The following ARFGEF3 variants were observed in gnomAD, a reference collection of about 807,000 sequenced individuals.
ARFGEF3 encodes brefeldin A-inhibited guanine nucleotide-exchange protein 3.
In ARFGEF3, 96 loss-of-function variants were observed where a neutral mutation model predicts 221.7. The observed-to-expected ratio is 0.43, with a 90% confidence interval of 0.37 to 0.51. The LOEUF (loss-of-function observed/expected upper bound fraction) is 0.51, where lower values mean the gene tolerates loss of function less well. Ranked by LOEUF, ARFGEF3 falls within the 20% of genes least tolerant of loss-of-function variation. The pLI, the probability that ARFGEF3 is intolerant of heterozygous loss-of-function variation, is 0.00. For synonymous variants in ARFGEF3, 1,145 were observed against 1,126.8 expected, an observed-to-expected ratio of 1.02 and a Z score of -0.32; for missense variants, 2,410 against 2,789.9, an observed-to-expected ratio of 0.86 and a Z score of 3.07.
At chr6:138,285,850 G>A (rs2114627336) in intron 14 of ARFGEF3, 96 bp from the exon 15 acceptor site, 2 of 713,608 alleles carry the variant, frequency 2.8e-6, no homozygotes, top group East Asian at 2.6e-5. Flanking sequence ...AAAGATACAA[G>A]GGATATTTGT....
At chr6:138,215,877 T>C (rs1777836080) in intron 4 of ARFGEF3, 1 of 116,868 alleles carries the variant, frequency 8.6e-6, no homozygotes, top group African/African-American at 3.4e-5. Flanking sequence ...TGTGTGTGTG[T>C]GTGTGTGTGT....
At position 138,209,997 on chromosome 6, in the gene ARFGEF3, G is replaced by A; in HGVS notation, c.307G>A (p.Val103Met). 1.9e-6 allele frequency: 3 copies of A among 1,613,918 alleles called. No individual in the cohort carries two copies. Among genetic ancestry groups the A allele is most frequent in the Non-Finnish European group, 2.5e-6 (3 of 1,179,838 alleles). ...CAATCAGATACTGAATGCCGTGAAAGTGACGCCTTCGCTCAACGAGGACCT... is the reference window on the plus strand; with the variant it reads ...CAATCAGATACTGAATGCCGTGAAAATGACGCCTTCGCTCAACGAGGACCT... The part of the protein sequence containing the change: ...LLNQILNAVK[V>M]TPSLNEDLQV... Residue 103 changes from valine (V) to methionine (M), a missense_variant, in exon 4 of 34, where the codon GTG becomes ATG. By Grantham distance (21) the Val-to-Met change is conservative. This residue lies in a region of ARFGEF3 where 570 missense variants were observed against 586.9 expected (regional missense o/e 0.97). Transcript: ENST00000251691.
chr6:138,336,191 T>G (rs1330344580), intron 33 of ARFGEF3, 104 bp from the exon 34 acceptor site: 1 of 840,132 alleles, frequency 1.2e-6, no homozygotes, highest in Admixed American at 2.9e-5. Context: ...TTATTGCAAC[T>G]AAAGCCTGGA....
rs1394014750 is a variant in ARFGEF3, at chr6:138,162,203, G to A, written c.85+32G>A. On this transcript the variant is annotated intron_variant, in intron 1 of 33. Coordinates refer to ENST00000251691, the MANE Select transcript of ARFGEF3 (RefSeq NM_020340.5). The surrounding 1 kb of genome is among the most constrained non-coding windows in gnomAD (Gnocchi z 4.7). ...GTCCGGCACCTGCTCGCCGCGGCGG[G>A]AGGGCCGCGCGGCCGGGGCTGAACC... 1.3e-6 allele frequency: 2 copies of A among 1,552,684 alleles called. No individual in the cohort carries two copies. Among genetic ancestry groups the A allele is most frequent in the Non-Finnish European group, 1.8e-6 (2 of 1,137,892 alleles).
chr6:138,171,303 C>T (rs1164121831), intron 2 of ARFGEF3, among the ~76,000 whole-genome samples: 1 of 149,222 alleles, frequency 6.7e-6, no homozygotes, highest in East Asian at 1.9e-4. Context: ...CCTAAAGGAA[C>T]CAGCCATGGA....
chr6:138,302,126 G>A (rs1424793318), intron 22 of ARFGEF3, among the ~76,000 whole-genome samples: 2 of 152,174 alleles, frequency 1.3e-5, no homozygotes, highest in African/African-American at 2.4e-5. Context: ...ACAGTGACTA[G>A]AAACTGACTT....
chr6:138,272,992 A>G (rs1779031862), intron 12 of ARFGEF3, among the ~76,000 whole-genome samples: 2 of 152,258 alleles, frequency 1.3e-5, no homozygotes, highest in South Asian at 4.1e-4. Context: ...AAATAAATCA[A>G]ACCACAATGT....
At chr6:138,174,867 T>C (rs554798185) in intron 2 of ARFGEF3, among the ~76,000 whole-genome samples, 18 of 152,282 alleles carry the variant, frequency 1.2e-4, no homozygotes, top group African/African-American at 4.3e-4. Flanking sequence ...GTTGTGTACG[T>C]TAGTAGTGGT....
At chr6:138,223,790 C>T (rs1026260564) in intron 4 of ARFGEF3, among the ~76,000 whole-genome samples, 50 of 152,242 alleles carry the variant, frequency 3.3e-4, no homozygotes, top group African/African-American at 1.1e-3. Context: ...CAGCATTACA[C>T]CTTGTGTATC....
chr6:138,336,121 G>A (rs553944870), intron 33 of ARFGEF3, among the ~76,000 whole-genome samples, 174 bp from the exon 34 acceptor site: 2 of 152,084 alleles, frequency 1.3e-5, no homozygotes, highest in Non-Finnish European at 2.9e-5. Context: ...TATGATGTAG[G>A]CATAATAAAT....
At chr6:138,290,600 C>T (rs1157091189) in intron 18 of ARFGEF3, among the ~76,000 whole-genome samples, 1 of 152,234 alleles carries the variant, frequency 6.6e-6, no homozygotes, top group Non-Finnish European at 1.5e-5. Flanking sequence ...CCTCTTACAA[C>T]TAAGACTGAA....
At position 138,339,698 on chromosome 6, in the gene ARFGEF3, T is replaced by G. The variant is rs754159514; in HGVS notation, c.*3212T>G. On this transcript the variant is annotated 3_prime_UTR_variant, in exon 34 of 34. Transcript: ENST00000251691. ...CTGTCATTAATGAGGACATCGGTTT[T>G]CACAATTGAACCTCATGCACTGTCC... 39 of 152,194 alleles carry G rather than the reference T, an allele frequency of 2.6e-4. No individual in the cohort carries two copies. The highest frequency in any genetic ancestry group is 5.0e-4 in the Non-Finnish European group (34 of 68,036). The allele number at this position is 152,194 out of a possible 1,614,324, so 9.4% of individuals were successfully genotyped here.
chr6:138,296,380 G>A (rs564893688), intron 20 of ARFGEF3, among the ~76,000 whole-genome samples: 1 of 152,176 alleles, frequency 6.6e-6, no homozygotes, highest in East Asian at 1.9e-4. Context: ...GTATTATCAC[G>A]TTTAATCTTT....
intron 25 of ARFGEF3, 109 bp from the exon 26 acceptor site, chr6:138,313,686 A>G: frequency 2.4e-6 from 2 of 849,174 alleles, no homozygotes; most frequent in Non-Finnish European, 3.6e-6. Context: ...TTCAATGTCT[A>G]GTTTCCCATC....
intron 2 of ARFGEF3, among the ~76,000 whole-genome samples, chr6:138,203,563 G>A (rs150405049): frequency 4.4e-4 from 67 of 152,296 alleles, no homozygotes; most frequent in African/African-American, 1.5e-3. Flanking sequence ...ATGGATGATC[G>A]GATGGATGGT....
intron 32 of ARFGEF3, among the ~76,000 whole-genome samples, chr6:138,331,329 G>A (rs187825213): frequency 1.3e-5 from 2 of 152,330 alleles, no homozygotes; most frequent in Admixed American, 1.3e-4. Context: ...CATTCTTTAA[G>A]AGCTCTTAGC....
intron 1 of ARFGEF3, among the ~76,000 whole-genome samples, chr6:138,168,662 G>T (rs1409087744): frequency 6.6e-6 from 1 of 152,222 alleles, no homozygotes; most frequent in Admixed American, 6.5e-5. Context: ...TGGCAGGACA[G>T]AGTCAGGGAA....
chr6:138,306,881 T>A (rs1236999097), intron 22 of ARFGEF3, among the ~76,000 whole-genome samples: 1 of 137,562 alleles, frequency 7.3e-6, no homozygotes, highest in Non-Finnish European at 1.6e-5. Context: ...CATTAAAAAG[T>A]AAAACTTTTA....
At chr6:138,211,104 G>A (rs1261862690) in intron 4 of ARFGEF3, among the ~76,000 whole-genome samples, 9 of 152,122 alleles carry the variant, frequency 5.9e-5, no homozygotes, top group Admixed American at 1.3e-4. Context: ...GTAAAATGGG[G>A]GCAATAGTAG....
Sources: allele counts gnomAD v4.1 joint callset (sites outside exome capture counted in the v4.1 genomes callset), GRCh38; gene constraint gnomAD v4.1.1; regional missense constraint gnomAD v4.1.1; non-coding constraint Gnocchi (gnomAD v3.1); transcripts MANE v1.5; gene names NCBI Gene and HGNC (gene_info 2026-07-23, HGNC 2026-07-21).